HS3ST4: variants seen among roughly 807,000 people sequenced by gnomAD.
HS3ST4 encodes heparan sulfate-glucosamine 3-sulfotransferase 4, also known as heparan sulfate glucosamine 3-O-sulfotransferase 4.
A neutral mutation model predicts 29.2 loss-of-function variants in HS3ST4; 17 were observed. The observed-to-expected ratio is 0.58, with a 90% CI of 0.40 to 0.87. The LOEUF is 0.87. HS3ST4 is among the 40% of genes least tolerant of loss of function. The pLI is 0.00. For missense variants in HS3ST4, 627 were observed against 634.5 expected (o/e 0.99, Z 0.13); for synonymous variants, 314 against 285.7 (o/e 1.10, Z -1.00).
intron 1 of HS3ST4, among the ~76,000 whole-genome samples, chr16:25,715,340 A>C (rs1468364335): frequency 5.2e-5 from 2 of 38,672 alleles, no homozygotes; most frequent in African/African-American, 7.0e-5. Flanking sequence ...AAAAAAAAAA[A>C]AAAAACCAAA....
intron 1 of HS3ST4, among the ~76,000 whole-genome samples, chr16:25,905,677 C>A (rs922610333): frequency 2.7e-4 from 41 of 152,152 alleles, no homozygotes; most frequent in African/African-American, 9.4e-4. Context: ...TAATCAGGAA[C>A]TAGAATGTCC....
rs1229903620 is a variant in HS3ST4 at position 25,692,373 on chromosome 16, G to C, written c.-45G>C. The C allele has an allele frequency of 1.3e-5, 5 of 390,700 alleles. No homozygotes were observed. In the East Asian group the frequency reaches 4.7e-4, roughly 36 times the overall value. The allele number at this position is 390,700 out of a possible 1,614,324, so 24.2% of individuals were successfully genotyped here. The stretch of plus-strand genomic sequence containing the variant: ...GCTGAAACCATGTCCGGGCAGCGCC[G>C]GGGGCTGCCGCCGCCGCCGCCGCCG... On this transcript the variant is annotated 5_prime_UTR_variant, in exon 1 of 2. Coordinates refer to ENST00000331351, the MANE Select transcript of HS3ST4 (RefSeq NM_006040.3).
chr16:26,008,058 G>GA (rs1182545125), intron 1 of HS3ST4, among the ~76,000 whole-genome samples: 4 of 152,102 alleles, frequency 2.6e-5, no homozygotes, highest in African/African-American at 9.7e-5. Context: ...TGAGCTCTTT[G>GA]GCTGGATCCA....
Position 25,692,364 on chromosome 16 carries a change from G to T in HS3ST4, c.-54G>T, listed in dbSNP as rs1347042545. ...GGGGCGGCGGCTGAAACCATGTCCG[G>T]GCAGCGCCGGGGGCTGCCGCCGCCG... On this transcript the variant is annotated 5_prime_UTR_variant, in exon 1 of 2. Coordinates refer to ENST00000331351, the MANE Select transcript of HS3ST4 (RefSeq NM_006040.3). 1 of 262,098 alleles carries T rather than the reference G, an allele frequency of 3.8e-6. No individual in the cohort carries two copies. The highest frequency in any genetic ancestry group is 2.4e-5 in the African/African-American group (1 of 41,742). The allele number at this position is 262,098 out of a possible 1,614,324, so 16.2% of individuals were successfully genotyped here. A position where few individuals can be genotyped will look rare whatever the true frequency, so the allele number is the denominator to read the frequency against.
chr16:25,858,062 G>A (rs116450445), intron 1 of HS3ST4, among the ~76,000 whole-genome samples: 1,197 of 103,618 alleles, frequency 0.012, 11 homozygotes, highest in African/African-American at 0.039. Context: ...TCTTTCTTTC[G>A]TTCTTTTTCT....
At chr16:25,754,284 C>A (rs1320526934) in intron 1 of HS3ST4, among the ~76,000 whole-genome samples, 1 of 152,004 alleles carries the variant, frequency 6.6e-6, no homozygotes, top group African/African-American at 2.4e-5. Flanking sequence ...AGCCTCCAAT[C>A]ACACACTCCA....
At chr16:25,979,641 A>G (rs4238933) in intron 1 of HS3ST4, among the ~76,000 whole-genome samples, 137,708 of 151,884 alleles carry the variant, frequency 0.91, 62,582 homozygotes, top group Admixed American at 0.94. Context: ...AGTGAGTTGT[A>G]TAATTATTTC....
rs754908521 is a variant in HS3ST4, at chr16:25,692,888, G to A, written c.471G>A (p.Pro157=). Residue 157 remains proline (P), a synonymous_variant, in exon 1 of 2, where the codon CCG becomes CCA. Transcript: ENST00000331351. Reference sequence around the variant, plus strand: ...TGATCACGGCTCAGAGCGCGCTGCCGGAGAGGGAAGCGCAGGAGTCCAGCA... The same window carrying A: ...TGATCACGGCTCAGAGCGCGCTGCCAGAGAGGGAAGCGCAGGAGTCCAGCA... ...SEMITAQSAL[P]EREAQESSTT... The A allele has an allele frequency of 2.6e-6, 4 of 1,565,512 alleles. No individual in the cohort carries two copies. In the Admixed American group the frequency reaches 5.6e-5, roughly 22 times the overall value.
At chr16:25,784,602 A>G (rs1966855705) in intron 1 of HS3ST4, among the ~76,000 whole-genome samples, 1 of 152,260 alleles carries the variant, frequency 6.6e-6, no homozygotes, top group Non-Finnish European at 1.5e-5. Context: ...TCTAATCTAG[A>G]GTAAATCCCT....
chr16:25,957,257 G>A (rs954804305), intron 1 of HS3ST4, among the ~76,000 whole-genome samples: 2 of 152,190 alleles, frequency 1.3e-5, no homozygotes, highest in Non-Finnish European at 2.9e-5. Context: ...TAGCACAGCA[G>A]CAGCTTGAAC....
At chr16:25,795,139 T>G (rs1361690648) in intron 1 of HS3ST4, among the ~76,000 whole-genome samples, 1 of 151,680 alleles carries the variant, frequency 6.6e-6, no homozygotes, top group African/African-American at 2.4e-5. Context: ...ACCCGGCTAA[T>G]TTTTTGTATT....
chr16:25,828,242 C>CTCTT lies in HS3ST4; in HGVS notation c.734+135146_734+135149dup, dbSNP rs1174433355. On this transcript the variant is annotated intron_variant, in intron 1 of 1. Coordinates refer to ENST00000331351, the MANE Select transcript of HS3ST4 (RefSeq NM_006040.3). ...CTTTCCTTTCTTTCTTTCTTTCTTT[C>CTCTT]TCTTTCTTTCTTTCTTTCTTTCTTT... Among the ~76,000 whole-genome samples, 508 of 74,844 alleles carry CTCTT rather than the reference C, an allele frequency of 6.8e-3. 11 individuals carry two copies. Among genetic ancestry groups the CTCTT allele is most frequent in the East Asian group, 0.013 (34 of 2,672 alleles). The allele number at this position is 74,844 out of a possible 152,430, so 49.1% of individuals were successfully genotyped here.
chr16:25,972,786 C>G (rs1968910268), intron 1 of HS3ST4, among the ~76,000 whole-genome samples: 1 of 152,104 alleles, frequency 6.6e-6, no homozygotes, highest in African/African-American at 2.4e-5. Flanking sequence ...GGAGGGGGAT[C>G]CTTAGGAGCC....
chr16:25,693,693 A>G (rs1399649016), intron 1 of HS3ST4, among the ~76,000 whole-genome samples: 1 of 152,200 alleles, frequency 6.6e-6, no homozygotes, highest in African/African-American at 2.4e-5. Flanking sequence ...TTGGCTTTCT[A>G]GTAAAGAAAG....
At chr16:25,793,773 C>T (rs563623485) in intron 1 of HS3ST4, among the ~76,000 whole-genome samples, 1 of 152,008 alleles carries the variant, frequency 6.6e-6, no homozygotes, top group South Asian at 2.1e-4. Context: ...TACTGATATG[C>T]TGGGATTTAT....
intron 1 of HS3ST4, among the ~76,000 whole-genome samples, chr16:26,125,483 C>G (rs550278206): frequency 1.9e-4 from 29 of 152,380 alleles, no homozygotes; most frequent in Admixed American, 4.6e-4. Flanking sequence ...TGGGCCACCA[C>G]TCACGTCCCG....
chr16:25,920,536 T>C (rs1968337459), intron 1 of HS3ST4, among the ~76,000 whole-genome samples: 1 of 151,828 alleles, frequency 6.6e-6, no homozygotes, highest in Admixed American at 6.5e-5. Flanking sequence ...TCTGAAGTTA[T>C]CTGCACCTGA....
intron 1 of HS3ST4, among the ~76,000 whole-genome samples, chr16:25,694,595 C>T (rs1414479941): frequency 1.3e-5 from 2 of 152,106 alleles, no homozygotes; most frequent in Admixed American, 1.3e-4. Flanking sequence ...CATCAGAAGC[C>T]ATGGCTTCCA....
At chr16:26,031,395 T>C (rs567703092) in intron 1 of HS3ST4, among the ~76,000 whole-genome samples, 3 of 152,320 alleles carry the variant, frequency 2.0e-5, no homozygotes, top group Admixed American at 6.5e-5. Context: ...CTGACTCATT[T>C]CTATTGGAAT....
Sources: allele counts gnomAD v4.1 joint callset (sites outside exome capture counted in the v4.1 genomes callset), GRCh38; gene constraint gnomAD v4.1.1; transcripts MANE v1.5; gene names NCBI Gene and HGNC (gene_info 2026-07-23, HGNC 2026-07-21).